Variants in ABHD2 observed in about 807,000 individuals in gnomAD.
The protein encoded by ABHD2 is abhydrolase domain containing 2, acylglycerol lipase.
ABHD2 carries 20 observed loss-of-function variants against 48.1 expected under a neutral mutation model. The observed-to-expected ratio is 0.42, with a 90% CI of 0.29 to 0.60. ABHD2 has a LOEUF of 0.60. ABHD2 is among the 20% of genes least tolerant of loss of function. The pLI, the probability that ABHD2 is intolerant of heterozygous loss-of-function variation, is 0.24. For synonymous variants in ABHD2, 209 were observed against 214.2 expected, an observed-to-expected ratio of 0.98 and a Z score of 0.21; for missense variants, 405 against 550.9, an observed-to-expected ratio of 0.74 and a Z score of 2.65.
chr15:89,081,604 A>G, the ABHD2 span, among the ~76,000 whole-genome samples: 2 of 152,190 alleles, frequency 1.3e-5, no homozygotes, highest in Non-Finnish European at 2.9e-5. Context: ...CAGTGGCTCA[A>G]GCCTATAGTC....
intron 1 of ABHD2, among the ~76,000 whole-genome samples, chr15:89,112,366 C>G (rs2150807042): frequency 6.6e-6 from 1 of 152,284 alleles, no homozygotes; most frequent in South Asian, 2.1e-4. Flanking sequence ...ACTGCCTGCC[C>G]CATGGGCTGC....
In ABHD2 at chr15:89,174,871, T is replaced by G. The variant is rs114676533; in HGVS notation, c.539-941T>G. ...TGAGACATAACATGGCTTCAATAAC[T>G]TCCCAAGGGGACACCAGCTGAGATC... On this transcript the variant is annotated intron_variant, in intron 5 of 10. Coordinates refer to ENST00000352732, the MANE Select transcript of ABHD2 (RefSeq NM_152924.5). This position sits in a 1 kb window ranked among gnomAD's most constrained non-coding sequence, Gnocchi z 4.1. Among the ~76,000 whole-genome samples, 8,446 of 152,234 alleles carry G rather than the reference T, an allele frequency of 0.055. 826 individuals carry two copies. The highest frequency in any genetic ancestry group is 0.19 in the African/African-American group (8,002 of 41,510).
In ABHD2 at chr15:89,175,735, A is replaced by C; in HGVS notation, c.539-77A>C. On this transcript the variant is annotated intron_variant, in intron 5 of 10. Coordinates refer to ENST00000352732, the MANE Select transcript of ABHD2 (RefSeq NM_152924.5). This position sits in a 1 kb window ranked among gnomAD's most constrained non-coding sequence, Gnocchi z 5.7. Reference sequence around the variant, plus strand: ...TCTTTTAGTATACTGGCACCCATTTAGTAACGTTCCAGCTTGCATTTTCTC... The same window carrying C: ...TCTTTTAGTATACTGGCACCCATTTCGTAACGTTCCAGCTTGCATTTTCTC... 8 of 1,492,080 alleles carry C rather than the reference A, an allele frequency of 5.4e-6. No homozygotes were observed. Among genetic ancestry groups the C allele is most frequent in the Non-Finnish European group, 7.4e-6 (8 of 1,074,564 alleles). 92.4% of individuals were successfully genotyped at this position (1,492,080 alleles called of 1,614,324 possible).
the ABHD2 span, among the ~76,000 whole-genome samples, chr15:89,065,780 A>G: frequency 1.3e-5 from 2 of 152,116 alleles, no homozygotes; most frequent in Non-Finnish European, 2.9e-5. Flanking sequence ...GCCCCCCATG[A>G]TATAGAAATA....
Position 89,201,289 on chromosome 15 carries a change from T to G in ABHD2, c.*5866T>G. 1 of 1,146,158 alleles carries G rather than the reference T, an allele frequency of 8.7e-7. No homozygotes were observed. The highest frequency in any genetic ancestry group is 1.3e-6 in the Non-Finnish European group (1 of 771,458). 71.0% of individuals were successfully genotyped at this position (1,146,158 alleles called of 1,614,324 possible). A position where few individuals can be genotyped will look rare whatever the true frequency, so the allele number is the denominator to read the frequency against. On this transcript the variant is annotated 3_prime_UTR_variant, in exon 11 of 11. Transcript: ENST00000352732. ...TTTCTCCCTGAAGTCTTTTACACTC[T>G]TCTGTTAGTTTCCTTGTTTCAGTAT...
the ABHD2 span, among the ~76,000 whole-genome samples, chr15:89,041,813 G>T: frequency 2.0e-5 from 3 of 152,218 alleles, no homozygotes; most frequent in Non-Finnish European, 4.4e-5. Context: ...GCCTGGAGGG[G>T]CTGAGACAGC....
At chr15:89,098,799 A>T (rs780613828) in intron 1 of ABHD2, among the ~76,000 whole-genome samples, 2 of 152,220 alleles carry the variant, frequency 1.3e-5, no homozygotes, top group Non-Finnish European at 2.9e-5. Flanking sequence ...GACTCTACAT[A>T]TAAATTCTGG....
At chr15:89,107,927 A>G in intron 1 of ABHD2, among the ~76,000 whole-genome samples, 1 of 152,192 alleles carries the variant, frequency 6.6e-6, no homozygotes, top group East Asian at 1.9e-4. Flanking sequence ...GATAGCTAAG[A>G]GGAAAGGAAA....
At chr15:89,081,665 A>G in the ABHD2 span, among the ~76,000 whole-genome samples, 1 of 152,110 alleles carries the variant, frequency 6.6e-6, no homozygotes, top group Admixed American at 6.6e-5. Context: ...TCAGGAATTC[A>G]AGACCAGCCT....
chr15:89,070,667 G>C, the ABHD2 span, among the ~76,000 whole-genome samples: 1 of 152,186 alleles, frequency 6.6e-6, no homozygotes, highest in Non-Finnish European at 1.5e-5. Flanking sequence ...TGAGAGACAT[G>C]ATATTGGTCA....
At position 89,131,356 on chromosome 15, in the gene ABHD2, T is replaced by C. The variant is rs76947252; in HGVS notation, c.194+14835T>C. On this transcript the variant is annotated intron_variant, in intron 3 of 10. Coordinates refer to ENST00000352732, the MANE Select transcript of ABHD2 (RefSeq NM_152924.5). ...TCATACCTCCACACAGCCTCTTTAT[T>C]TGAGAGAACATAATCACCTTCTTTC... Among the ~76,000 whole-genome samples, 223 of 152,372 alleles carry C rather than the reference T, an allele frequency of 1.5e-3. 3 individuals carry two copies. The East Asian group carries it at 0.039, about 27-fold the overall frequency.
chr15:89,165,928 C>T (rs1278117991), intron 5 of ABHD2, among the ~76,000 whole-genome samples: 4 of 152,174 alleles, frequency 2.6e-5, no homozygotes, highest in Non-Finnish European at 5.9e-5. Context: ...TCCCAACAGT[C>T]CAGTATTCAT....
chr15:89,080,217 G>A, the ABHD2 span, among the ~76,000 whole-genome samples: 3 of 152,184 alleles, frequency 2.0e-5, no homozygotes, highest in Non-Finnish European at 4.4e-5. Flanking sequence ...CCCAAGCTCC[G>A]GAGCAGTGGT....
rs1213262953 is a variant in ABHD2, at chr15:89,175,917, A to C, written c.644A>C (p.Lys215Thr). 6.2e-7 allele frequency: 1 copy of C among 1,614,038 alleles called. No homozygotes were observed. Among genetic ancestry groups the C allele is most frequent in the Admixed American group, 1.7e-5 (1 of 59,998 alleles). ...AGCCTGGGTGGTAACATTGTGTGCA[A>C]ATACTTGGGGGAGACTCAGGCAAAC... ...GFSLGGNIVC[K>T]YLGETQANQE... Residue 215 changes from lysine to threonine, a missense_variant, in exon 6 of 11, where the codon AAA becomes ACA. Lys to Thr is a moderately conservative substitution (Grantham distance 78). Transcript: ENST00000352732. The surrounding 1 kb of genome is among the most constrained non-coding windows in gnomAD (Gnocchi z 5.7).
intron 2 of ABHD2, among the ~76,000 whole-genome samples, chr15:89,115,933 T>G (rs1404342240): frequency 6.6e-6 from 1 of 152,164 alleles, no homozygotes. Flanking sequence ...AACAAAAGGA[T>G]GACCTGTTAA....
intron 3 of ABHD2, among the ~76,000 whole-genome samples, chr15:89,126,139 A>C (rs2050127913): frequency 6.6e-6 from 1 of 152,204 alleles, no homozygotes; most frequent in South Asian, 2.1e-4. Flanking sequence ...AAAGGAGTAT[A>C]TGTCTTCCAA....
chr15:89,165,598 AT>A (rs74267912), intron 5 of ABHD2, among the ~76,000 whole-genome samples: 33 of 151,232 alleles, frequency 2.2e-4, no homozygotes, highest in Admixed American at 4.0e-4. Context: ...AAAAAAAAAA[AT>A]TTTTTTAACT....
the ABHD2 span, among the ~76,000 whole-genome samples, chr15:89,056,591 C>T: frequency 2.0e-5 from 3 of 151,924 alleles, no homozygotes; most frequent in Admixed American, 2.0e-4. Flanking sequence ...TGCAGTGAGC[C>T]GAGTTCGCAC....
the ABHD2 span, among the ~76,000 whole-genome samples, chr15:89,052,727 A>C: frequency 1.2e-4 from 19 of 152,306 alleles, no homozygotes; most frequent in South Asian, 3.5e-3. Flanking sequence ...CAGGGAGGCC[A>C]TCCAGCCAAT....
Sources: allele counts gnomAD v4.1 joint callset (sites outside exome capture counted in the v4.1 genomes callset), GRCh38; gene constraint gnomAD v4.1.1; non-coding constraint Gnocchi (gnomAD v3.1); transcripts MANE v1.5; gene names NCBI Gene and HGNC (gene_info 2026-07-23, HGNC 2026-07-21).